STIM1: variants seen among roughly 807,000 people sequenced by gnomAD.
The protein encoded by STIM1 is stromal interaction molecule 1.
STIM1 carries 25 observed loss-of-function variants against 74.7 expected under a neutral mutation model. That is an observed-to-expected ratio of 0.33 (90% CI 0.24 to 0.47). The LOEUF (loss-of-function observed/expected upper bound fraction) is 0.47, where lower values mean the gene tolerates loss of function less well. STIM1 is among the 20% of genes least tolerant of loss of function. The probability of loss-of-function intolerance (pLI) is 1.00; values close to 1 mark genes in which losing one functional copy is unlikely to be tolerated. For missense variants in STIM1, 728 were observed against 920.8 expected (o/e 0.79, Z 2.71); for synonymous variants, 328 against 348.8 (o/e 0.94, Z 0.66).
chr11:3,877,096 G>A (rs1056659256), intron 1 of STIM1, among the ~76,000 whole-genome samples: 5 of 143,160 alleles, frequency 3.5e-5, no homozygotes, highest in Admixed American at 2.1e-4. Flanking sequence ...TACAGTAAGC[G>A]CTTAAGGAAA....
At chr11:4,019,338 A>G (rs2093933766) in intron 2 of STIM1, among the ~76,000 whole-genome samples, 3 of 152,028 alleles carry the variant, frequency 2.0e-5, no homozygotes. Context: ...TTATTTAAAA[A>G]CATTTTTAAA....
chr11:4,045,329 T>A (rs1450698972), intron 3 of STIM1, among the ~76,000 whole-genome samples: 1 of 152,170 alleles, frequency 6.6e-6, no homozygotes, highest in East Asian at 1.9e-4. Flanking sequence ...TATCTGTGTG[T>A]CACTCTCTTA....
intron 1 of STIM1, among the ~76,000 whole-genome samples, chr11:3,868,488 A>T (rs1189935813): frequency 6.6e-6 from 1 of 152,178 alleles, no homozygotes; most frequent in Non-Finnish European, 1.5e-5. Context: ...TTTGTTTAAT[A>T]ACTTGGTGTG....
chr11:3,901,582 A>G (rs1351727862), intron 1 of STIM1, among the ~76,000 whole-genome samples: 1 of 151,484 alleles, frequency 6.6e-6, no homozygotes, highest in Non-Finnish European at 1.5e-5. Flanking sequence ...TAAGTGTTTA[A>G]CATAGATTAC....
At chr11:3,988,544 T>A (rs1417479164) in intron 2 of STIM1, among the ~76,000 whole-genome samples, 1 of 152,202 alleles carries the variant, frequency 6.6e-6, no homozygotes, top group South Asian at 2.1e-4. Context: ...TACCGGTATG[T>A]TCACATGTTG....
At chr11:3,882,351 A>C (rs1403295636) in intron 1 of STIM1, among the ~76,000 whole-genome samples, 1 of 152,020 alleles carries the variant, frequency 6.6e-6, no homozygotes, top group African/African-American at 2.4e-5. Context: ...CGCCCACCTC[A>C]GCCTCCCAAA....
At position 4,074,556 on chromosome 11, in the gene STIM1, G is replaced by C. The variant is rs199510481; in HGVS notation, c.846G>C (p.Leu282=). Residue 282 remains leucine, a synonymous_variant, in exon 7 of 13, where the codon CTG becomes CTC. Transcript: ENST00000526596. ...HRTVEVEKVH[L]EKKLRDEINL... is the part of the protein sequence containing the mutation. ...CAGTGGAGGTGGAGAAGGTCCATCT[G>C]GAAAAGAAGCTGCGCGATGAGATCA... 21 of 1,614,144 alleles carry C rather than the reference G, an allele frequency of 1.3e-5. No homozygotes were observed. Among genetic ancestry groups the C allele is most frequent in the Non-Finnish European group, 1.7e-5 (20 of 1,180,020 alleles).
At chr11:3,890,943 A>G (rs2091876179) in intron 1 of STIM1, among the ~76,000 whole-genome samples, 1 of 152,160 alleles carries the variant, frequency 6.6e-6, no homozygotes, top group African/African-American at 2.4e-5. Flanking sequence ...TAAACTTGTA[A>G]AAGAATCAAC....
At chr11:4,039,728 G>A (rs753690896) in intron 3 of STIM1, among the ~76,000 whole-genome samples, 1 of 151,854 alleles carries the variant, frequency 6.6e-6, no homozygotes, top group Non-Finnish European at 1.5e-5. Flanking sequence ...GGAGAAAAGA[G>A]TAATATGTAC....
At chr11:3,973,499 A>C in intron 2 of STIM1, 1 of 226,858 alleles carries the variant, frequency 4.4e-6, no homozygotes, top group Non-Finnish European at 8.7e-6. Flanking sequence ...TCCGGGGCTC[A>C]AGTGATCCTC....
At position 3,984,108 on chromosome 11, in the gene STIM1, C is replaced by T. The variant is rs372197103; in HGVS notation, c.270+16426C>T. ...CTCGAACTCCTGACCTCAAGTGATC[C>T]GCCCGCCTTGGCCTCCTAAAGTACT... On this transcript the variant is annotated intron_variant, in intron 2 of 12. Transcript: ENST00000526596. Among the ~76,000 whole-genome samples, 21 of 152,132 alleles carry T rather than the reference C, an allele frequency of 1.4e-4. No homozygotes were observed. In the South Asian group the frequency reaches 2.7e-3, roughly 20 times the overall value.
intron 1 of STIM1, among the ~76,000 whole-genome samples, chr11:3,906,154 A>T (rs1431232297): frequency 1.3e-5 from 2 of 152,184 alleles, no homozygotes; most frequent in Admixed American, 1.3e-4. Flanking sequence ...TTTTTGACAA[A>T]CTACTCGTGA....
At chr11:4,031,486 A>AT (rs955036367) in intron 3 of STIM1, among the ~76,000 whole-genome samples, 29 of 152,148 alleles carry the variant, frequency 1.9e-4, no homozygotes, top group African/African-American at 6.0e-4. Flanking sequence ...AAATAGTTGT[A>AT]TTTTTTATAT....
chr11:3,992,833 T>C (rs2093628452), intron 2 of STIM1, among the ~76,000 whole-genome samples: 1 of 152,240 alleles, frequency 6.6e-6, no homozygotes, highest in African/African-American at 2.4e-5. Flanking sequence ...CTCATCTCAG[T>C]TGAAGGCAAG....
At chr11:3,992,857 T>C (rs573129309) in intron 2 of STIM1, among the ~76,000 whole-genome samples, 1 of 152,348 alleles carries the variant, frequency 6.6e-6, no homozygotes, top group East Asian at 1.9e-4. Context: ...ATTGTTTCAA[T>C]TGCCTGGGCA....
chr11:3,995,814 T>C (rs1034456873), intron 2 of STIM1, among the ~76,000 whole-genome samples: 4 of 52,250 alleles, frequency 7.7e-5, no homozygotes, highest in African/African-American at 1.2e-4. Context: ...CTGGCTTCTT[T>C]TTTTTTTTTT....
intron 1 of STIM1, among the ~76,000 whole-genome samples, chr11:3,957,961 GT>G (rs538594178): frequency 6.4e-4 from 97 of 152,194 alleles, no homozygotes; most frequent in Admixed American, 1.4e-3. Context: ...CACCTCCCGG[GT>G]TCAAGCGATT....
chr11:4,052,602 A>G (rs1013750453), intron 3 of STIM1, among the ~76,000 whole-genome samples: 1 of 152,214 alleles, frequency 6.6e-6, no homozygotes, highest in South Asian at 2.1e-4. Flanking sequence ...ATGGATTAAA[A>G]ACTTACATGT....
chr11:3,934,451 GC>G (rs2092909171), intron 1 of STIM1, among the ~76,000 whole-genome samples: 2 of 152,220 alleles, frequency 1.3e-5, no homozygotes, highest in South Asian at 4.2e-4. Context: ...CCCACTTTGT[GC>G]CTCCATAGCA....
Sources: allele counts gnomAD v4.1 joint callset (sites outside exome capture counted in the v4.1 genomes callset), GRCh38; gene constraint gnomAD v4.1.1; transcripts MANE v1.5; gene names NCBI Gene and HGNC (gene_info 2026-07-23, HGNC 2026-07-21).